Variants in SMC6 observed in about 807,000 individuals in gnomAD.
SMC6 encodes structural maintenance of chromosomes protein 6.
A neutral mutation model predicts 142.2 loss-of-function variants in SMC6; 79 were observed. That is an observed-to-expected ratio of 0.56 (90% CI 0.46 to 0.67). The LOEUF is 0.67. Among genes scored for constraint, SMC6 ranks in the 30% least tolerant of loss-of-function variants. The pLI is 0.00. For missense variants in SMC6, 1,072 were observed against 1,284.0 expected (o/e 0.83, Z 2.52); for synonymous variants, 411 against 412.4 (o/e 1.00, Z 0.04).
At chr2:17,676,978 A>G (rs999228876) in intron 25 of SMC6, among the ~76,000 whole-genome samples, 9 of 152,154 alleles carry the variant, frequency 5.9e-5, no homozygotes, top group African/African-American at 2.2e-4. Context: ...AGAGATAACC[A>G]TATTATTTGT....
At chr2:17,735,104 T>C (rs1324059150) in intron 5 of SMC6, among the ~76,000 whole-genome samples, 1 of 151,878 alleles carries the variant, frequency 6.6e-6, no homozygotes, top group Non-Finnish European at 1.5e-5. Context: ...AGCCTCATAA[T>C]TACTGCTAAA....
chr2:17,705,102 G>A (rs1284512878), intron 18 of SMC6, among the ~76,000 whole-genome samples: 2 of 151,622 alleles, frequency 1.3e-5, no homozygotes, highest in South Asian at 4.2e-4. Flanking sequence ...ACCAAAAAGT[G>A]CAGAAATTAG....
chr2:17,752,436 A>G (rs2125102082), intron 2 of SMC6, among the ~76,000 whole-genome samples: 1 of 152,320 alleles, frequency 6.6e-6, no homozygotes, highest in East Asian at 1.9e-4. Flanking sequence ...ACGGATACAG[A>G]GGATGCACTG....
At chr2:17,739,975 C>T (rs1307689403) in intron 4 of SMC6, among the ~76,000 whole-genome samples, 2 of 149,978 alleles carry the variant, frequency 1.3e-5, no homozygotes, top group Non-Finnish European at 3.0e-5. Flanking sequence ...ATCCAATCAA[C>T]TATTATTAGC....
intron 7 of SMC6, among the ~76,000 whole-genome samples, chr2:17,730,138 A>G (rs1669835222): frequency 6.6e-6 from 1 of 152,118 alleles, no homozygotes; most frequent in African/African-American, 2.4e-5. Context: ...GTATAAATTT[A>G]TTTTTTGTGG....
intron 23 of SMC6, 44 bp downstream of exon 23, chr2:17,695,108 T>A (rs199827556): frequency 8.1e-6 from 13 of 1,601,042 alleles, no homozygotes; most frequent in Non-Finnish European, 1.1e-5. Context: ...CTTGATGATA[T>A]GCATGAATAA....
At chr2:17,717,917 A>G (rs963202624) in intron 12 of SMC6, among the ~76,000 whole-genome samples, 160 bp downstream of exon 12, 7 of 148,724 alleles carry the variant, frequency 4.7e-5, no homozygotes, top group African/African-American at 1.7e-4. Flanking sequence ...CCCAGGAGAT[A>G]AGAGGCTACA....
At chr2:17,668,821 A>G (rs920981302) in intron 26 of SMC6, among the ~76,000 whole-genome samples, 1 of 152,192 alleles carries the variant, frequency 6.6e-6, no homozygotes, top group African/African-American at 2.4e-5. Context: ...GCAGGCAGGT[A>G]CGATATCATG....
intron 23 of SMC6, among the ~76,000 whole-genome samples, 161 bp from the exon 24 acceptor site, chr2:17,683,924 C>A (rs1667337920): frequency 6.6e-6 from 1 of 152,034 alleles, no homozygotes; most frequent in African/African-American, 2.4e-5. Flanking sequence ...AATTACACTC[C>A]CAGAATGAAA....
chr2:17,669,743 CAAT>C (rs1221978108), intron 26 of SMC6, among the ~76,000 whole-genome samples: 1 of 152,040 alleles, frequency 6.6e-6, no homozygotes, highest in African/African-American at 2.4e-5. Flanking sequence ...ATTGAGCAAA[CAAT>C]GAGATATGAA....
At chr2:17,668,554 A>T (rs1322332363) in intron 26 of SMC6, among the ~76,000 whole-genome samples, 1 of 151,930 alleles carries the variant, frequency 6.6e-6, no homozygotes, top group East Asian at 1.9e-4. Flanking sequence ...ATAATAATAT[A>T]AAGCATTTTT....
intron 5 of SMC6, among the ~76,000 whole-genome samples, chr2:17,736,671 T>TGAGCCCAGGAGTTC (rs1376483488): frequency 1.3e-5 from 2 of 150,898 alleles, no homozygotes; most frequent in Non-Finnish European, 2.9e-5. Context: ...GCCCAGGAGT[T>TGAGCCCAGGAGTTC]GAGCCCAGGA....
intron 5 of SMC6, among the ~76,000 whole-genome samples, chr2:17,733,777 A>G (rs1006828466): frequency 3.9e-5 from 6 of 152,240 alleles, no homozygotes; most frequent in African/African-American, 1.2e-4. Flanking sequence ...CCACTTAGGC[A>G]GGCTAATAAA....
rs1269914136 is a variant in SMC6 at position 17,701,912 on chromosome 2, A to G, written c.2143-3T>C. 1.3e-6 allele frequency: 2 copies of G among 1,489,934 alleles called. No individual in the cohort carries two copies. Among genetic ancestry groups the G allele is most frequent in the Non-Finnish European group, 1.8e-6 (2 of 1,086,626 alleles). 92.3% of individuals were successfully genotyped at this position (1,489,934 alleles called of 1,614,324 possible). A position where few individuals can be genotyped will look rare whatever the true frequency, so the allele number is the denominator to read the frequency against. On this transcript the variant is annotated splice_polypyrimidine_tract_variant and splice_region_variant and intron_variant, in intron 19 of 27. Transcript: ENST00000448223. ...GAAATATTTTTTCTTATTTTCATCT[A>G]AAAGAAAAGTATTTGGATTTTAGTA...
chr2:17,698,113 G>C (rs1030359421), intron 21 of SMC6, among the ~76,000 whole-genome samples: 1 of 152,024 alleles, frequency 6.6e-6, no homozygotes, highest in Non-Finnish European at 1.5e-5. Context: ...AAGTAGATTT[G>C]TTTTTGCCAG....
At chr2:17,677,442 G>A (rs1023886615) in intron 25 of SMC6, among the ~76,000 whole-genome samples, 1 of 152,078 alleles carries the variant, frequency 6.6e-6, no homozygotes, top group African/African-American at 2.4e-5. Context: ...TTTCTACTCT[G>A]TCTTGTCAGC....
rs1193970435 is a variant in SMC6 at position 17,665,514 on chromosome 2, ATCT to A, written c.3258_3260del (p.Glu1086del). On this transcript the variant is annotated inframe_deletion, in exon 28 of 28. Transcript: ENST00000448223. ...AAGTTACAAATCACCTTTGGTCATC[ATCT>A]TCTTCTTGAGTCACAGGTCTGAAAG... 9 of 1,608,760 alleles carry A rather than the reference ATCT, an allele frequency of 5.6e-6. No individual in the cohort carries two copies. Among genetic ancestry groups the A allele is most frequent in the African/African-American group, 5.3e-5 (4 of 74,852 alleles).
chr2:17,716,692 T>C (rs1296830623), intron 14 of SMC6, 49 bp downstream of exon 14: 24 of 1,549,294 alleles, frequency 1.5e-5, no homozygotes, highest in South Asian at 2.4e-5. Context: ...CAAAACTATA[T>C]GATGTAAAAG....
At position 17,726,296 on chromosome 2, in the gene SMC6, C is replaced by T. The variant is rs968345452; in HGVS notation, c.624+93G>A. On this transcript the variant is annotated intron_variant, in intron 8 of 27. Transcript: ENST00000448223. ...TAGATGGCTTTAAGGAAAAAAAAAA[C>T]TCAGCCTCCATTATGTGAGCAATAA... is the stretch of plus-strand genomic sequence containing the variant. 151 of 867,168 alleles carry T rather than the reference C, an allele frequency of 1.7e-4. No homozygotes were observed. The South Asian group carries it at 3.9e-3, about 22-fold the overall frequency. 53.7% of individuals were successfully genotyped at this position (867,168 alleles called of 1,614,324 possible).
Sources: gnomAD v4.1 joint callset for allele counts (sites outside exome capture counted in the v4.1 genomes callset) on GRCh38, gnomAD v4.1.1 for gene constraint, MANE v1.5 for transcripts, NCBI Gene and HGNC (gene_info 2026-07-23, HGNC 2026-07-21) for gene names.